THAP9: variants seen among roughly 807,000 people sequenced by gnomAD.
THAP9 encodes DNA transposase THAP9.
THAP9 carries 20 observed loss-of-function variants against 35.7 expected under a neutral mutation model. The ratio of observed to expected loss-of-function variants is 0.56; its 90% CI spans 0.39 to 0.81. The LOEUF is 0.81. THAP9 is among the 40% of genes least tolerant of loss of function. The pLI is 0.00. For synonymous variants in THAP9, 335 were observed against 373.7 expected (o/e 0.90, Z 1.19); for missense variants, 870 against 1,047.4 (o/e 0.83, Z 2.34).
intron 4 of THAP9, chr4:82,910,172 T>A (rs1720815170): frequency 6.6e-6 from 1 of 152,170 alleles, no homozygotes; most frequent in Non-Finnish European, 1.5e-5. Context: ...TCTCTCTTCA[T>A]GTCATTTTGC....
Position 82,917,011 on chromosome 4 carries a change from G to C in THAP9, c.799G>C (p.Val267Leu). Residue 267 changes from valine to leucine, a missense_variant, in exon 5 of 5, where the codon GTA (valine) becomes CTA (leucine). By Grantham distance (32) the Val-to-Leu change is conservative (BLOSUM62 1). Coordinates refer to ENST00000302236, the MANE Select transcript of THAP9 (RefSeq NM_024672.6). Reference protein sequence around the residue: ...SNIFSFLQRRVENGDQLYQYC... With the variant: ...SNIFSFLQRRLENGDQLYQYC... ...CATTTTTTCTTTTCTTCAACGAAGAGTAGAGAATGGAGATCAGCTCTATCA... is the reference window on the plus strand; with the variant it reads ...CATTTTTTCTTTTCTTCAACGAAGACTAGAGAATGGAGATCAGCTCTATCA... The C allele has an allele frequency of 6.3e-7, 1 of 1,579,546 alleles. No individual in the cohort carries two copies. Among genetic ancestry groups the C allele is most frequent in the Non-Finnish European group, 8.6e-7 (1 of 1,165,448 alleles).
At chr4:82,911,827 C>T (rs2126014878) in intron 4 of THAP9, among the ~76,000 whole-genome samples, 1 of 152,222 alleles carries the variant, frequency 6.6e-6, no homozygotes, top group Middle Eastern at 3.4e-3. Flanking sequence ...CAGTCACCTA[C>T]CAGGAAAAGT....
At chr4:82,901,732 T>A (rs1200388326) in intron 1 of THAP9, among the ~76,000 whole-genome samples, 2 of 151,892 alleles carry the variant, frequency 1.3e-5, no homozygotes, top group Admixed American at 6.6e-5. Context: ...TTTTGTTTTC[T>A]ATTTTTTAAA....
chr4:82,913,063 ATG>A (rs1186471967), intron 4 of THAP9, among the ~76,000 whole-genome samples: 3 of 152,152 alleles, frequency 2.0e-5, no homozygotes, highest in Non-Finnish European at 4.4e-5. Flanking sequence ...TTTAAAAAGA[ATG>A]TGTCTTTTTT....
intron 2 of THAP9, chr4:82,905,940 C>T (rs1377660380): frequency 6.6e-6 from 3 of 456,606 alleles, no homozygotes; most frequent in Non-Finnish European, 1.3e-5. Context: ...AGTCTTAATT[C>T]CAAAGCCATG....
At chr4:82,906,658 C>T in intron 3 of THAP9, 31 bp downstream of exon 3, 1 of 1,516,072 alleles carries the variant, frequency 6.6e-7, no homozygotes, top group African/African-American at 1.4e-5. Context: ...GTAGTATTTA[C>T]AAAAATAGCT....
chr4:82,902,262 G>A (rs914673646), intron 1 of THAP9, among the ~76,000 whole-genome samples: 4 of 148,166 alleles, frequency 2.7e-5, no homozygotes, highest in Admixed American at 2.7e-4. Context: ...CACCATCCCG[G>A]CTTTTTTTTT....
chr4:82,905,844 T>C (rs1286080452), intron 2 of THAP9: 1 of 455,822 alleles, frequency 2.2e-6, no homozygotes, highest in Non-Finnish European at 4.4e-6. Context: ...TCCTGTATTA[T>C]TATCCACATT....
In THAP9 at chr4:82,906,252, T is replaced by C. The variant is rs1329684030; in HGVS notation, c.277-72T>C. 3.2e-6 allele frequency: 4 copies of C among 1,257,854 alleles called. No homozygotes were observed. The South Asian group carries it at 4.7e-5, about 15-fold the overall frequency. 77.9% of individuals were successfully genotyped at this position (1,257,854 alleles called of 1,614,324 possible). ...AGCAACCAGATTAGTGCTTTGTATT[T>C]AGGGTATTTTTACAGATACTCTTCT... On this transcript the variant is annotated intron_variant, in intron 2 of 4. Transcript: ENST00000302236.
chr4:82,903,771 C>T (rs1270116427), intron 1 of THAP9, among the ~76,000 whole-genome samples: 1 of 152,136 alleles, frequency 6.6e-6, no homozygotes, highest in Admixed American at 6.5e-5. Context: ...CATAAGATTG[C>T]ACTCATCTGA....
At chr4:82,906,870 A>G (rs3214024) in intron 3 of THAP9, among the ~76,000 whole-genome samples, 81,280 of 152,022 alleles carry the variant, frequency 0.53, 23,700 homozygotes, top group East Asian at 0.78. Context: ...AAATAATGTT[A>G]ATCCCACTAC....
At chr4:82,913,670 C>T (rs750127982) in intron 4 of THAP9, among the ~76,000 whole-genome samples, 9 of 151,968 alleles carry the variant, frequency 5.9e-5, no homozygotes, top group Non-Finnish European at 1.3e-4. Context: ...TCATCCCAAC[C>T]TCCACCCTCG....
In THAP9 at chr4:82,919,706, C is replaced by G. The variant is rs1328799647; in HGVS notation, c.*782C>G. On this transcript the variant is annotated 3_prime_UTR_variant, in exon 5 of 5. Coordinates refer to ENST00000302236, the MANE Select transcript of THAP9 (RefSeq NM_024672.6). The stretch of plus-strand genomic sequence containing the variant: ...GAGAAACCTAATCTGAAGATGGAAG[C>G]ATACTAAGGACAATTTTCTCCACTC... 2 of 152,178 alleles carry G rather than the reference C, an allele frequency of 1.3e-5. No homozygotes were observed. Among genetic ancestry groups the G allele is most frequent in the African/African-American group, 4.8e-5 (2 of 41,428 alleles). 9.4% of individuals were successfully genotyped at this position (152,178 alleles called of 1,614,324 possible).
At position 82,900,774 on chromosome 4, in the gene THAP9, C is replaced by T. The variant is rs1045942793; in HGVS notation, c.-29C>T. On this transcript the variant is annotated 5_prime_UTR_variant, in exon 1 of 5. Transcript: ENST00000302236. ...CGTGATTCATGCTGTCGCGGGAACCCCGAAGGTGGGGCCCCACGTAACAAG... is the reference window on the plus strand; with the variant it reads ...CGTGATTCATGCTGTCGCGGGAACCTCGAAGGTGGGGCCCCACGTAACAAG... 5.0e-6 allele frequency: 8 copies of T among 1,613,188 alleles called. No individual in the cohort carries two copies. The highest frequency in any genetic ancestry group is 2.2e-5 in the East Asian group (1 of 44,888).
intron 1 of THAP9, chr4:82,903,366 T>C (rs1234916508): frequency 6.6e-6 from 1 of 152,144 alleles, no homozygotes; most frequent in Non-Finnish European, 1.5e-5. Context: ...GGATTACAGG[T>C]GGGAGCCACC....
intron 2 of THAP9, 76 bp from the exon 3 acceptor site, chr4:82,906,248 T>C (rs144119325): frequency 2.9e-5 from 36 of 1,222,560 alleles, no homozygotes; most frequent in Non-Finnish European, 4.0e-5. Flanking sequence ...TAGTGCTTTG[T>C]ATTTAGGGTA....
At chr4:82,901,285 G>C in intron 1 of THAP9, 1 of 418,648 alleles carries the variant, frequency 2.4e-6, no homozygotes, top group Non-Finnish European at 4.8e-6. Flanking sequence ...GACATTGCAA[G>C]TTCTTAAGTG....
chr4:82,906,215 C>A, intron 2 of THAP9, 109 bp from the exon 3 acceptor site: 1 of 902,834 alleles, frequency 1.1e-6, no homozygotes, highest in Non-Finnish European at 1.6e-6. Context: ...TCTTTCCTAA[C>A]TAACTCTCCA....
In THAP9 at chr4:82,919,017, C is replaced by A; in HGVS notation, c.*93C>A. 9.7e-7 allele frequency: 1 copy of A among 1,034,854 alleles called. No homozygotes were observed. The highest frequency in any genetic ancestry group is 1.4e-6 in the Non-Finnish European group (1 of 721,730). The allele number at this position is 1,034,854 out of a possible 1,614,324, so 64.1% of individuals were successfully genotyped here. A position where few individuals can be genotyped will look rare whatever the true frequency, so the allele number is the denominator to read the frequency against. On this transcript the variant is annotated 3_prime_UTR_variant, in exon 5 of 5. Transcript: ENST00000302236. ...CATATTTTATAAATTGCGCATTCTG[C>A]ACAGTGGACAAGTTTGCAATTCTGA...
Sources: gnomAD v4.1 joint callset for allele counts (sites outside exome capture counted in the v4.1 genomes callset) on GRCh38, gnomAD v4.1.1 for gene constraint, MANE v1.5 for transcripts, NCBI Gene and HGNC (gene_info 2026-07-23, HGNC 2026-07-21) for gene names.